Variants in REV3L observed in about 807,000 individuals in gnomAD.
REV3L encodes the protein REV3 like, DNA directed polymerase zeta catalytic subunit, also known as DNA polymerase zeta catalytic subunit.
In REV3L, 69 loss-of-function variants were observed where a neutral mutation model predicts 299.4. The ratio of observed to expected loss-of-function variants is 0.23; its 90% CI spans 0.19 to 0.28. The LOEUF is 0.28. Ranked by LOEUF, REV3L falls within the 10% of genes least tolerant of loss-of-function variation. The pLI is 1.00. For synonymous variants in REV3L, 1,238 were observed against 1,271.4 expected (o/e 0.97, Z 0.56); for missense variants, 3,128 against 3,693.8 (o/e 0.85, Z 3.97).
At chr6:111,387,611 G>A (rs1781474732) in intron 9 of REV3L, 154 bp downstream of exon 9, 1 of 626,720 alleles carries the variant, frequency 1.6e-6, no homozygotes, top group Admixed American at 2.8e-5. Flanking sequence ...CTTTAGAGAT[G>A]TAGAAAGGGT....
chr6:111,345,160 C>CAGTTCTACTAAAT (rs1245933521), intron 20 of REV3L, among the ~76,000 whole-genome samples: 2 of 152,114 alleles, frequency 1.3e-5, no homozygotes, highest in Non-Finnish European at 2.9e-5. Context: ...AATAGCAGAA[C>CAGTTCTACTAAAT]AGTTCTACTA....
intron 1 of REV3L, among the ~76,000 whole-genome samples, chr6:111,442,099 A>G (rs1788332723): frequency 6.6e-6 from 1 of 152,194 alleles, no homozygotes; most frequent in African/African-American, 2.4e-5. Flanking sequence ...GTTACATGTG[A>G]CCTTGTAAAC....
intron 1 of REV3L, among the ~76,000 whole-genome samples, chr6:111,428,715 C>T (rs1786486393): frequency 3.3e-5 from 5 of 151,930 alleles, no homozygotes. Context: ...TGAAGGCTGC[C>T]TTTAAGATAC....
At chr6:111,432,453 CAA>C (rs974291008) in intron 1 of REV3L, among the ~76,000 whole-genome samples, 31 of 152,086 alleles carry the variant, frequency 2.0e-4, no homozygotes, top group African/African-American at 7.0e-4. Context: ...TAAAAAGAAA[CAA>C]AGAGGGTCAC....
chr6:111,458,612 A>G (rs186180697), intron 1 of REV3L, among the ~76,000 whole-genome samples: 88 of 152,228 alleles, frequency 5.8e-4, no homozygotes, highest in Middle Eastern at 3.4e-3. Flanking sequence ...AATGTACAAA[A>G]ATCAGTAGCA....
chr6:111,344,064 C>T (rs1776794525), intron 20 of REV3L, 21 bp from the exon 21 acceptor site: 1 of 1,495,658 alleles, frequency 6.7e-7, no homozygotes, highest in African/African-American at 1.4e-5. Context: ...AGGCAAGACA[C>T]CATTATAATA....
intron 1 of REV3L, among the ~76,000 whole-genome samples, chr6:111,422,959 A>G (rs1254371543): frequency 2.0e-5 from 3 of 151,874 alleles, no homozygotes; most frequent in Non-Finnish European, 4.4e-5. Context: ...ACTAAGAGAA[A>G]CTATATCGCT....
intron 4 of REV3L, among the ~76,000 whole-genome samples, chr6:111,401,621 C>T (rs1313007840): frequency 6.6e-6 from 1 of 152,120 alleles, no homozygotes; most frequent in Non-Finnish European, 1.5e-5. Context: ...TTCAATGCTT[C>T]AATATTTGTG....
intron 24 of REV3L, among the ~76,000 whole-genome samples, chr6:111,330,565 C>T (rs1775275749): frequency 2.0e-5 from 3 of 152,100 alleles, no homozygotes; most frequent in South Asian, 2.1e-4. Context: ...AAGCTTTACA[C>T]ACTGGGTCCA....
intron 7 of REV3L, 81 bp from the exon 8 acceptor site, chr6:111,388,166 A>T: frequency 4.5e-6 from 4 of 893,670 alleles, no homozygotes; most frequent in Non-Finnish European, 7.0e-6. Context: ...TAGCTTTAAA[A>T]ATGGTGGCAA....
At chr6:111,365,223 C>G in intron 15 of REV3L, 42 bp downstream of exon 15, 1 of 1,176,446 alleles carries the variant, frequency 8.5e-7, no homozygotes, top group Non-Finnish European at 1.2e-6. Flanking sequence ...AGGAAAAAGA[C>G]TGGCTCTTCC....
At position 111,372,634 on chromosome 6, in the gene REV3L, T is replaced by G; in HGVS notation, c.5721A>C (p.Pro1907=). The G allele has an allele frequency of 6.6e-7, 1 of 1,511,856 alleles. No individual in the cohort carries two copies. Among genetic ancestry groups the G allele is most frequent in the South Asian group, 1.4e-5 (1 of 72,368 alleles). The allele number at this position is 1,511,856 out of a possible 1,614,324, so 93.7% of individuals were successfully genotyped here. Residue 1907 remains proline, a synonymous_variant, in exon 13 of 32, where the codon CCA becomes CCC. Transcript: ENST00000368802. ...GTACATCAGAAGGATTACTGCAAAA[T>G]GGTTCCTGGTAAATAGTCTCAGACA... The part of the protein sequence containing the change: ...HDLSETIYQE[P]FCSNPSDVPE...
intron 16 of REV3L, among the ~76,000 whole-genome samples, chr6:111,360,970 C>T (rs1778594231): frequency 6.6e-6 from 1 of 151,792 alleles, no homozygotes; most frequent in African/African-American, 2.4e-5. Flanking sequence ...TAAATGCATA[C>T]TCTTCAGAAC....
rs1267251318 is a variant in REV3L, at chr6:111,349,238, A to G, written c.7399T>C (p.Trp2467Arg). ...NIVGRITLNL[W>R]RIMRNEVALT... is the part of the protein sequence containing the mutation. ...CCCACCTCATTTCTCATGATTCTCC[A>G]AAGATTTAGTGTAATTCGGCCAACA... The change falls in exon 20 of 32, where the codon TGG becomes CGG. Residue 2467 changes from tryptophan to arginine, a missense_variant. Coordinates refer to ENST00000368802, the MANE Select transcript of REV3L (RefSeq NM_001372078.1). The G allele has an allele frequency of 4.4e-6, 7 of 1,578,494 alleles. No individual in the cohort carries two copies. In the East Asian group the frequency reaches 6.7e-5, roughly 15 times the overall value.
chr6:111,377,593 T>C (rs1219551965), intron 12 of REV3L, 108 bp downstream of exon 12: 1 of 1,089,146 alleles, frequency 9.2e-7, no homozygotes, highest in Non-Finnish European at 1.3e-6. Context: ...CACCTTGGAC[T>C]CCCAGAATGC....
chr6:111,374,341 C>A lies in REV3L; in HGVS notation c.4014G>T (p.Arg1338Ser). 6.2e-7 allele frequency: 1 copy of A among 1,613,834 alleles called. No individual in the cohort carries two copies. Among genetic ancestry groups the A allele is most frequent in the Admixed American group, 1.7e-5 (1 of 60,006 alleles). The change falls in exon 13 of 32, where the codon AGG becomes AGT. Residue 1338 changes from arginine to serine, a missense_variant. Coordinates refer to ENST00000368802, the MANE Select transcript of REV3L (RefSeq NM_001372078.1). ...GPGVSKINVQ[R>S]PHNQSAMFTL... ...TAAACATAGCACTTTGATTATGAGG[C>A]CTTTGAACATTAATTTTTGAGACTC...
chr6:111,461,953 A>G (rs1207143943), intron 1 of REV3L, among the ~76,000 whole-genome samples: 1 of 152,182 alleles, frequency 6.6e-6, no homozygotes, highest in Non-Finnish European at 1.5e-5. Flanking sequence ...CACTAAATAA[A>G]AGAGACATGT....
At chr6:111,467,704 TATATAGGAGA>T (rs1443798277) in intron 1 of REV3L, among the ~76,000 whole-genome samples, 1 of 152,232 alleles carries the variant, frequency 6.6e-6, no homozygotes, top group Non-Finnish European at 1.5e-5. Flanking sequence ...TTTGAAGTAC[TATATAGGAGA>T]ATATGCTTAG....
chr6:111,324,354 C>G (rs931664930), intron 25 of REV3L, among the ~76,000 whole-genome samples: 4 of 152,140 alleles, frequency 2.6e-5, no homozygotes, highest in African/African-American at 9.7e-5. Flanking sequence ...ATCAGAAAAT[C>G]TTGAGAATGT....
Sources: allele counts gnomAD v4.1 joint callset (sites outside exome capture counted in the v4.1 genomes callset), GRCh38; gene constraint gnomAD v4.1.1; transcripts MANE v1.5; gene names NCBI Gene and HGNC (gene_info 2026-07-23, HGNC 2026-07-21).